DTNB: variants seen among roughly 807,000 people sequenced by gnomAD.
The protein encoded by DTNB is DTN-B.
In DTNB, 63 loss-of-function variants were observed where a neutral mutation model predicts 90.7. The observed-to-expected ratio is 0.69, with a 90% CI of 0.57 to 0.86. DTNB has a LOEUF of 0.86. Among genes scored for constraint, DTNB ranks in the 40% least tolerant of loss-of-function variants. The pLI, the probability that DTNB is intolerant of heterozygous loss-of-function variation, is 0.00. For synonymous variants in DTNB, 277 were observed against 286.7 expected (o/e 0.97, Z 0.34); for missense variants, 744 against 807.1 (o/e 0.92, Z 0.95).
At chr2:25,508,487 C>A (rs2073041879) in intron 9 of DTNB, among the ~76,000 whole-genome samples, 1 of 149,600 alleles carries the variant, frequency 6.7e-6, no homozygotes, top group African/African-American at 2.5e-5. Flanking sequence ...GGGCTTTTAA[C>A]ATTTCTTTTT....
chr2:25,414,861 C>T (rs2047500453), intron 16 of DTNB, among the ~76,000 whole-genome samples: 1 of 151,964 alleles, frequency 6.6e-6, no homozygotes, highest in African/African-American at 2.4e-5. Context: ...GCCTAAGTGA[C>T]CCGCGCTCAA....
At position 25,550,221 on chromosome 2, in the gene DTNB, G is replaced by C. The variant is rs192430217; in HGVS notation, c.877-18624C>G. Among the ~76,000 whole-genome samples the C allele has an allele frequency of 7.6e-3, 1,152 of 151,902 alleles. 3 individuals are homozygous for C. Among genetic ancestry groups the C allele is most frequent in the Non-Finnish European group, 8.9e-3 (602 of 67,892 alleles). ...CCTGGCTAACACGGTGAAACCCCGT[G>C]TCTACTAAAAATACAAAAAATAAGC... is the stretch of plus-strand genomic sequence containing the variant. On this transcript the variant is annotated intron_variant, in intron 8 of 20. Coordinates refer to ENST00000406818, the MANE Select transcript of DTNB (RefSeq NM_021907.5).
intron 8 of DTNB, among the ~76,000 whole-genome samples, chr2:25,575,136 G>A (rs552197137): frequency 1.6e-4 from 25 of 151,670 alleles, no homozygotes; most frequent in African/African-American, 5.6e-4. Flanking sequence ...CCCAACATCC[G>A]GAATAAGAAT....
intron 10 of DTNB, among the ~76,000 whole-genome samples, chr2:25,463,902 T>C (rs1234986737): frequency 6.6e-6 from 1 of 152,232 alleles, no homozygotes; most frequent in African/African-American, 2.4e-5. Context: ...TACTGATTTC[T>C]TTTATTTTTT....
chr2:25,456,381 C>T (rs1242231362), intron 10 of DTNB, among the ~76,000 whole-genome samples: 1 of 152,154 alleles, frequency 6.6e-6, no homozygotes, highest in Non-Finnish European at 1.5e-5. Context: ...CAACCTAACA[C>T]CATTATCACA....
At chr2:25,477,039 C>T (rs1266393665) in intron 10 of DTNB, among the ~76,000 whole-genome samples, 2 of 152,192 alleles carry the variant, frequency 1.3e-5, no homozygotes, top group Non-Finnish European at 2.9e-5. Context: ...CAGCAACCAC[C>T]ATCCTGCTTA....
At chr2:25,456,237 A>C (rs2060007559) in intron 10 of DTNB, among the ~76,000 whole-genome samples, 1 of 152,236 alleles carries the variant, frequency 6.6e-6, no homozygotes, top group Non-Finnish European at 1.5e-5. Flanking sequence ...ACATTTTGTC[A>C]ATGTTATCTA....
intron 9 of DTNB, among the ~76,000 whole-genome samples, chr2:25,509,302 T>C (rs1164440598): frequency 6.6e-6 from 1 of 152,210 alleles, no homozygotes; most frequent in African/African-American, 2.4e-5. Context: ...AGGTTTTTCA[T>C]AGATGTGCAT....
At chr2:25,400,053 G>A (rs2043339291) in intron 16 of DTNB, among the ~76,000 whole-genome samples, 1 of 152,182 alleles carries the variant, frequency 6.6e-6, no homozygotes, top group Non-Finnish European at 1.5e-5. Flanking sequence ...TGGCCACGTA[G>A]GCCTTGTACA....
intron 20 of DTNB, among the ~76,000 whole-genome samples, chr2:25,378,148 G>A (rs1375024437): frequency 6.6e-6 from 1 of 152,194 alleles, no homozygotes; most frequent in Non-Finnish European, 1.5e-5. Context: ...TCTGCCCCGG[G>A]GAGAGAGGGG....
intron 6 of DTNB, among the ~76,000 whole-genome samples, chr2:25,591,575 G>A (rs556077598): frequency 6.6e-5 from 10 of 152,106 alleles, no homozygotes; most frequent in East Asian, 1.9e-4. Flanking sequence ...ACTTTTAAGC[G>A]TCGAAAGTCA....
chr2:25,524,801 T>A (rs2076790617), intron 9 of DTNB, among the ~76,000 whole-genome samples: 1 of 152,178 alleles, frequency 6.6e-6, no homozygotes, highest in Non-Finnish European at 1.5e-5. Flanking sequence ...GCTGCTCCAG[T>A]CATTCCAGTC....
At chr2:25,586,369 G>A (rs2062405205) in intron 6 of DTNB, among the ~76,000 whole-genome samples, 1 of 151,916 alleles carries the variant, frequency 6.6e-6, no homozygotes, top group Non-Finnish European at 1.5e-5. Context: ...AATTCGCCAG[G>A]TGCGGTGGTG....
chr2:25,576,874 G>A lies in DTNB; in HGVS notation c.840C>T (p.His280=). 1 of 1,613,122 alleles carries A rather than the reference G, an allele frequency of 6.2e-7. No homozygotes were observed. Among genetic ancestry groups the A allele is most frequent in the Non-Finnish European group, 8.5e-7 (1 of 1,179,548 alleles). ...GCTCCTTCATCTGGTGCTGGTTGCT[G>A]TGAGGGCCGCCGGCATGGCCACGCC... is the stretch of plus-strand genomic sequence containing the variant. ...CFWRGHAGGP[H]SNQHQMKEHS... is the part of the protein sequence containing the mutation. The change falls in exon 8 of 21, where the codon CAC becomes CAT. Residue 280 remains histidine, a synonymous_variant. Transcript: ENST00000406818.
intron 2 of DTNB, among the ~76,000 whole-genome samples, chr2:25,645,522 G>A (rs1224376567): frequency 2.0e-5 from 3 of 151,904 alleles, no homozygotes; most frequent in South Asian, 2.1e-4. Flanking sequence ...TCACTGTAAC[G>A]TTGACTTCCC....
chr2:25,462,765 G>A (rs894573569), intron 10 of DTNB, among the ~76,000 whole-genome samples: 2 of 151,528 alleles, frequency 1.3e-5, no homozygotes, highest in Non-Finnish European at 2.9e-5. Context: ...GTGCAGTGGC[G>A]GGATCTCGGC....
At chr2:25,588,866 G>A (rs1049215847) in intron 6 of DTNB, among the ~76,000 whole-genome samples, 3 of 152,184 alleles carry the variant, frequency 2.0e-5, no homozygotes, top group Non-Finnish European at 4.4e-5. Flanking sequence ...ATGAAAAAGT[G>A]TCTTCAAATC....
intron 4 of DTNB, 150 bp downstream of exon 4, chr2:25,628,021 C>T: frequency 1.2e-6 from 1 of 803,286 alleles, no homozygotes; most frequent in Non-Finnish European, 2.0e-6. Flanking sequence ...CAGCTGTGAG[C>T]TACCGTGCCC....
chr2:25,594,340 T>C (rs1003136384), intron 6 of DTNB, among the ~76,000 whole-genome samples: 1 of 152,252 alleles, frequency 6.6e-6, no homozygotes, highest in African/African-American at 2.4e-5. Context: ...GAGGCAAATC[T>C]GCACAAAACC....
Sources: allele counts gnomAD v4.1 joint callset (sites outside exome capture counted in the v4.1 genomes callset), GRCh38; gene constraint gnomAD v4.1.1; transcripts MANE v1.5; gene names NCBI Gene and HGNC (gene_info 2026-07-23, HGNC 2026-07-21).